Variants in FTCDNL1 observed in about 807,000 individuals in gnomAD.
FTCDNL1 encodes the protein formiminotransferase cyclodeaminase N-terminal like.
Under a neutral mutation model 5.9 loss-of-function variants are expected in FTCDNL1, and 11 were observed. That is an observed-to-expected ratio of 1.87 (90% CI 1.18 to 3.10). The LOEUF is 3.10. FTCDNL1 is among the 30% of genes most tolerant of loss of function. FTCDNL1 has a pLI of 0.00. For synonymous variants in FTCDNL1, 58 were observed against 24.8 expected (o/e 2.34, Z -3.99); for missense variants, 115 against 65.5 (o/e 1.76, Z -2.61).
chr2:199,674,445 GCTCAGATCCTC>G, the FTCDNL1 span, among the ~76,000 whole-genome samples: 1 of 152,134 alleles, frequency 6.6e-6, no homozygotes, highest in Non-Finnish European at 1.5e-5. Context: ...TAGTGAAGCA[GCTCAGATCCTC>G]CTGGATTACC....
chr2:199,674,820 TA>T, the FTCDNL1 span, among the ~76,000 whole-genome samples: 1 of 152,164 alleles, frequency 6.6e-6, no homozygotes, highest in South Asian at 2.1e-4. Context: ...TCACTTTTAG[TA>T]GGGAGGTATT....
intron 3 of FTCDNL1, among the ~76,000 whole-genome samples, chr2:199,776,438 T>C (rs1464598369): frequency 6.6e-6 from 1 of 152,230 alleles, no homozygotes; most frequent in Non-Finnish European, 1.5e-5. Context: ...TCTAACAGCT[T>C]ATGTCCCATG....
the FTCDNL1 span, among the ~76,000 whole-genome samples, chr2:199,754,008 C>T: frequency 6.6e-6 from 1 of 152,148 alleles, no homozygotes; most frequent in African/African-American, 2.4e-5. Flanking sequence ...TCCAAGACTC[C>T]CTGGGCCTTT....
chr2:199,767,488 A>C (rs542745426), intron 3 of FTCDNL1, among the ~76,000 whole-genome samples: 1 of 152,374 alleles, frequency 6.6e-6, no homozygotes, highest in Admixed American at 6.5e-5. Flanking sequence ...AATTAATGCC[A>C]TGGTTTAAAT....
intron 3 of FTCDNL1, among the ~76,000 whole-genome samples, chr2:199,832,753 T>C (rs978676951): frequency 7.2e-5 from 11 of 152,068 alleles, no homozygotes; most frequent in Admixed American, 6.6e-4. Context: ...CAATGGAGAA[T>C]CACTAAAAAT....
intron 3 of FTCDNL1, among the ~76,000 whole-genome samples, chr2:199,777,643 C>CT (rs1699159590): frequency 6.6e-6 from 1 of 152,132 alleles, no homozygotes; most frequent in South Asian, 2.1e-4. Context: ...TATGGCCAAG[C>CT]TGACACATAA....
At chr2:199,762,388 C>A (rs1271589479) in intron 3 of FTCDNL1, among the ~76,000 whole-genome samples, 1 of 152,032 alleles carries the variant, frequency 6.6e-6, no homozygotes, top group African/African-American at 2.4e-5. Flanking sequence ...TCAAAAAAAA[C>A]AGAAAGAAAG....
intron 3 of FTCDNL1, among the ~76,000 whole-genome samples, chr2:199,841,100 G>T (rs879787476): frequency 1.3e-5 from 2 of 151,974 alleles, no homozygotes; most frequent in African/African-American, 2.4e-5. Context: ...GCAGTGAGCC[G>T]GGATCATGCC....
chr2:199,747,317 A>G, the FTCDNL1 span, among the ~76,000 whole-genome samples: 1 of 152,274 alleles, frequency 6.6e-6, no homozygotes, highest in East Asian at 1.9e-4. Context: ...ATCGCATTAT[A>G]AATACATGGA....
At chr2:199,732,440 T>C in the FTCDNL1 span, among the ~76,000 whole-genome samples, 4 of 152,206 alleles carry the variant, frequency 2.6e-5, no homozygotes, top group African/African-American at 9.6e-5. Context: ...AAGACAGACA[T>C]TGGCATAAAA....
chr2:199,727,622 C>G, the FTCDNL1 span, among the ~76,000 whole-genome samples: 3 of 152,156 alleles, frequency 2.0e-5, no homozygotes, highest in East Asian at 5.8e-4. Flanking sequence ...GTGAGAGAAC[C>G]TGGATACCTC....
chr2:199,699,568 TG>T, the FTCDNL1 span, among the ~76,000 whole-genome samples: 2 of 152,176 alleles, frequency 1.3e-5, no homozygotes, highest in Non-Finnish European at 2.9e-5. Flanking sequence ...AGCATCATTC[TG>T]ATACCAAAAC....
intron 3 of FTCDNL1, among the ~76,000 whole-genome samples, chr2:199,834,716 G>A (rs1702600133): frequency 6.6e-6 from 1 of 152,192 alleles, no homozygotes; most frequent in African/African-American, 2.4e-5. Context: ...GGGAAAGGAA[G>A]ACGTGTATTA....
the FTCDNL1 span, among the ~76,000 whole-genome samples, chr2:199,750,655 A>C: frequency 2.6e-5 from 4 of 152,232 alleles, no homozygotes; most frequent in African/African-American, 9.6e-5. Context: ...GAAGCGTAGA[A>C]GCCAAAGTGA....
chr2:199,745,240 G>C, the FTCDNL1 span, among the ~76,000 whole-genome samples: 1 of 152,128 alleles, frequency 6.6e-6, no homozygotes, highest in Non-Finnish European at 1.5e-5. Context: ...CAGGAACTTG[G>C]GATATTGCAG....
chr2:199,817,324 G>A (rs1280169885), intron 4 of FTCDNL1, among the ~76,000 whole-genome samples: 2 of 152,146 alleles, frequency 1.3e-5, no homozygotes, highest in Admixed American at 1.3e-4. Context: ...CATTAACAGT[G>A]TAAATGTCTC....
At chr2:199,741,331 T>C in the FTCDNL1 span, among the ~76,000 whole-genome samples, 1 of 152,106 alleles carries the variant, frequency 6.6e-6, no homozygotes, top group African/African-American at 2.4e-5. Context: ...TATCAACCTA[T>C]GAAAATACAA....
At chr2:199,755,019 G>A in the FTCDNL1 span, among the ~76,000 whole-genome samples, 1 of 152,062 alleles carries the variant, frequency 6.6e-6, no homozygotes, top group African/African-American at 2.4e-5. Context: ...TGAGTTAAAG[G>A]ACCCAAGTTT....
At chr2:199,765,760 C>G (rs993107268) in intron 3 of FTCDNL1, among the ~76,000 whole-genome samples, 2 of 151,498 alleles carry the variant, frequency 1.3e-5, no homozygotes, top group Admixed American at 1.3e-4. Flanking sequence ...CCAGCCCGGT[C>G]TCAAACTCCT....
Sources: allele counts gnomAD v4.1 joint callset (sites outside exome capture counted in the v4.1 genomes callset), GRCh38; gene constraint gnomAD v4.1.1; transcripts MANE v1.5; gene names NCBI Gene and HGNC (gene_info 2026-07-23, HGNC 2026-07-21).